Variants in TNFSF4 observed in about 807,000 individuals in gnomAD.
TNFSF4 encodes tumor necrosis factor ligand superfamily member 4.
Under a neutral mutation model 7.3 loss-of-function variants are expected in TNFSF4, and 4 were observed. The ratio of observed to expected loss-of-function variants is 0.55; its 90% CI spans 0.27 to 1.25. The LOEUF is 1.25. Ranked by LOEUF, TNFSF4 falls within the 50% of genes most tolerant of loss-of-function variation. The pLI is 0.12. For missense variants in TNFSF4, 181 were observed against 208.8 expected (o/e 0.87, Z 0.82); for synonymous variants, 76 against 83.7 (o/e 0.91, Z 0.50).
chr1:173,289,949 TA>T, the TNFSF4 span, among the ~76,000 whole-genome samples: 144,004 of 149,138 alleles, frequency 0.97, 69,645 homozygotes, highest in East Asian at 1. Flanking sequence ...TATTTGAGGC[TA>T]AAAAAAAAAA....
At chr1:173,390,753 T>TTC in the TNFSF4 span, among the ~76,000 whole-genome samples, 3 of 149,254 alleles carry the variant, frequency 2.0e-5, no homozygotes, top group Non-Finnish European at 3.0e-5. Flanking sequence ...TTTTTTTCTT[T>TTC]TTTTTTTTTG....
the TNFSF4 span, among the ~76,000 whole-genome samples, chr1:173,444,369 A>G: frequency 2.4e-4 from 36 of 151,922 alleles, no homozygotes; most frequent in African/African-American, 8.4e-4. Context: ...TTTTTTTCTT[A>G]TTATTTACAT....
At chr1:173,226,398 T>C in the TNFSF4 span, among the ~76,000 whole-genome samples, 1 of 152,220 alleles carries the variant, frequency 6.6e-6, no homozygotes, top group Non-Finnish European at 1.5e-5. Context: ...CTTTTCCCTT[T>C]TTTTGTACTA....
At chr1:173,228,469 A>C in the TNFSF4 span, among the ~76,000 whole-genome samples, 7 of 152,238 alleles carry the variant, frequency 4.6e-5, no homozygotes, top group African/African-American at 1.7e-4. Flanking sequence ...AAAACCACAG[A>C]GATGGGGACA....
the TNFSF4 span, among the ~76,000 whole-genome samples, chr1:173,410,442 A>G: frequency 6.6e-6 from 1 of 152,212 alleles, no homozygotes; most frequent in Non-Finnish European, 1.5e-5. Flanking sequence ...ACATATATAC[A>G]TTCACTCACT....
chr1:173,383,259 T>A, the TNFSF4 span, among the ~76,000 whole-genome samples: 1 of 152,246 alleles, frequency 6.6e-6, no homozygotes, highest in Non-Finnish European at 1.5e-5. Context: ...CATGCTGAGG[T>A]TGAAAAACTG....
chr1:173,371,381 T>C, the TNFSF4 span, among the ~76,000 whole-genome samples: 1 of 152,208 alleles, frequency 6.6e-6, no homozygotes, highest in Non-Finnish European at 1.5e-5. Flanking sequence ...ATTATCTATA[T>C]GAATATGAGG....
At chr1:173,303,759 A>G in the TNFSF4 span, among the ~76,000 whole-genome samples, 1 of 151,940 alleles carries the variant, frequency 6.6e-6, no homozygotes, top group South Asian at 2.1e-4. Context: ...GTATGCATAC[A>G]TAACTAAATA....
chr1:173,221,486 C>A, the TNFSF4 span, among the ~76,000 whole-genome samples: 1 of 152,118 alleles, frequency 6.6e-6, no homozygotes, highest in Non-Finnish European at 1.5e-5. Flanking sequence ...CTGGGATATA[C>A]TTTGGAGGCA....
intron 1 of TNFSF4, among the ~76,000 whole-genome samples, chr1:173,206,193 G>C (rs1650180236): frequency 6.6e-6 from 1 of 151,972 alleles, no homozygotes; most frequent in Non-Finnish European, 1.5e-5. Flanking sequence ...GGAACACGAA[G>C]AGAGTATAGA....
chr1:173,273,601 T>C, the TNFSF4 span, among the ~76,000 whole-genome samples: 5 of 152,084 alleles, frequency 3.3e-5, no homozygotes, highest in Admixed American at 3.3e-4. Flanking sequence ...GATGATTAGA[T>C]CGTCATTAAG....
chr1:173,373,549 G>T, the TNFSF4 span, among the ~76,000 whole-genome samples: 3,296 of 152,274 alleles, frequency 0.022, 137 homozygotes, highest in African/African-American at 0.076. Flanking sequence ...TTTCACACGG[G>T]TATAGAGAAC....
chr1:173,416,638 T>TATTTATTTATTTATTTTTTGAGAGA, the TNFSF4 span, among the ~76,000 whole-genome samples: 1,606 of 109,980 alleles, frequency 0.015, 41 homozygotes, highest in African/African-American at 0.049. Context: ...ATTTATTTTT[T>TATTTATTTATTTATTTTTTGAGAGA]GAGAGAGAGA....
At chr1:173,346,515 T>C in the TNFSF4 span, among the ~76,000 whole-genome samples, 1 of 152,180 alleles carries the variant, frequency 6.6e-6, no homozygotes, top group East Asian at 1.9e-4. Context: ...GCACTTTACA[T>C]ACCATGTGAA....
chr1:173,366,871 G>A, the TNFSF4 span, among the ~76,000 whole-genome samples: 1 of 152,156 alleles, frequency 6.6e-6, no homozygotes, highest in African/African-American at 2.4e-5. Context: ...AGTATGTGAT[G>A]CAGTATAACT....
the TNFSF4 span, among the ~76,000 whole-genome samples, chr1:173,218,468 G>C: frequency 4.5e-3 from 686 of 152,122 alleles, 9 homozygotes; most frequent in African/African-American, 0.016. Context: ...AGCCAACTCA[G>C]TGCCCATCAA....
the TNFSF4 span, among the ~76,000 whole-genome samples, chr1:173,383,407 C>T: frequency 6.6e-6 from 1 of 152,156 alleles, no homozygotes; most frequent in African/African-American, 2.4e-5. Flanking sequence ...GATCCATTAA[C>T]ATTTTTAAAA....
At chr1:173,316,103 T>C in the TNFSF4 span, among the ~76,000 whole-genome samples, 1 of 152,194 alleles carries the variant, frequency 6.6e-6, no homozygotes, top group Non-Finnish European at 1.5e-5. Context: ...TTCTTTTGCA[T>C]GTCAATATCC....
the TNFSF4 span, among the ~76,000 whole-genome samples, chr1:173,313,916 A>T: frequency 6.6e-6 from 1 of 152,088 alleles, no homozygotes; most frequent in Non-Finnish European, 1.5e-5. Flanking sequence ...CATTTTGAAT[A>T]TGTCAGATGT....
Sources: gnomAD v4.1 joint callset for allele counts (sites outside exome capture counted in the v4.1 genomes callset) on GRCh38, gnomAD v4.1.1 for gene constraint, MANE v1.5 for transcripts, NCBI Gene and HGNC (gene_info 2026-07-23, HGNC 2026-07-21) for gene names.